TSHZ2: variants seen among roughly 807,000 people sequenced by gnomAD.
The protein encoded by TSHZ2 is teashirt homolog 2.
In TSHZ2, 21 loss-of-function variants were observed where a neutral mutation model predicts 74.4. The ratio of observed to expected loss-of-function variants is 0.28; its 90% confidence interval spans 0.20 to 0.41. The LOEUF (loss-of-function observed/expected upper bound fraction) is 0.41. Among genes scored for constraint, TSHZ2 ranks in the 10% least tolerant of loss-of-function variants. The probability of loss-of-function intolerance (pLI) is 1.00; values close to 1 mark genes in which losing one functional copy is unlikely to be tolerated. For synonymous variants in TSHZ2, 540 were observed against 515.3 expected, an observed-to-expected ratio of 1.05 and a Z score of -0.65; for missense variants, 1,244 against 1,293.5, an observed-to-expected ratio of 0.96 and a Z score of 0.59.
intron 1 of TSHZ2, among the ~76,000 whole-genome samples, chr20:53,117,144 A>C (rs1449145627): frequency 6.6e-6 from 1 of 152,198 alleles, no homozygotes; most frequent in Non-Finnish European, 1.5e-5. Flanking sequence ...AGTACTTCCC[A>C]AAGCCCCTAT....
At chr20:53,258,595 C>T (rs971238478) in intron 2 of TSHZ2, among the ~76,000 whole-genome samples, 2 of 152,084 alleles carry the variant, frequency 1.3e-5, no homozygotes, top group Non-Finnish European at 2.9e-5. Context: ...AAGCTTGATC[C>T]ATCGTCAGTC....
At chr20:53,358,482 A>G (rs1980934338) in intron 2 of TSHZ2, among the ~76,000 whole-genome samples, 1 of 151,980 alleles carries the variant, frequency 6.6e-6, no homozygotes, top group African/African-American at 2.4e-5. Context: ...CTGGGACTAC[A>G]GGCGTGCACC....
chr20:53,359,962 T>C (rs1980991194), intron 2 of TSHZ2, among the ~76,000 whole-genome samples: 2 of 152,326 alleles, frequency 1.3e-5, no homozygotes, highest in South Asian at 4.1e-4. Flanking sequence ...GTTATAAAGA[T>C]GTCTTCAGGC....
At chr20:53,148,559 C>T (rs1325089988) in intron 1 of TSHZ2, among the ~76,000 whole-genome samples, 2 of 152,004 alleles carry the variant, frequency 1.3e-5, no homozygotes, top group Non-Finnish European at 2.9e-5. Flanking sequence ...CTGAGTTTGC[C>T]TATTAAATCA....
At chr20:53,051,457 G>GCACACACACACA (rs11474223) in intron 1 of TSHZ2, among the ~76,000 whole-genome samples, 3,734 of 145,098 alleles carry the variant, frequency 0.026, 74 homozygotes, top group Middle Eastern at 0.049. Flanking sequence ...TGTGGCGCAC[G>GCACACACACACA]CACACACACA....
intron 2 of TSHZ2, among the ~76,000 whole-genome samples, chr20:53,285,691 GCA>G (rs1991150806): frequency 6.6e-6 from 1 of 150,972 alleles, no homozygotes; most frequent in African/African-American, 2.4e-5. Context: ...GCCTGGGGCC[GCA>G]GAGCAAGACT....
intron 1 of TSHZ2, among the ~76,000 whole-genome samples, chr20:53,041,130 C>G (rs975676719): frequency 2.6e-5 from 4 of 152,162 alleles, no homozygotes; most frequent in African/African-American, 9.7e-5. Context: ...AGTGAGGACT[C>G]TAAGTTTCGA....
At chr20:53,332,910 A>C (rs1442253057) in intron 2 of TSHZ2, among the ~76,000 whole-genome samples, 1 of 152,188 alleles carries the variant, frequency 6.6e-6, no homozygotes. Flanking sequence ...CAGCCCAGCC[A>C]CTACCACCTC....
At chr20:53,113,197 A>G (rs988825371) in intron 1 of TSHZ2, among the ~76,000 whole-genome samples, 1 of 152,218 alleles carries the variant, frequency 6.6e-6, no homozygotes, top group East Asian at 1.9e-4. Flanking sequence ...TGTAGAGAAT[A>G]TAGCTTACAA....
chr20:53,467,872 C>T (rs1160067586), intron 2 of TSHZ2, among the ~76,000 whole-genome samples: 1 of 152,140 alleles, frequency 6.6e-6, no homozygotes, highest in Non-Finnish European at 1.5e-5. Flanking sequence ...AAGCAAGCAA[C>T]GTCTTCCCTA....
chr20:53,324,413 T>C (rs1979410425), intron 2 of TSHZ2, among the ~76,000 whole-genome samples: 1 of 152,172 alleles, frequency 6.6e-6, no homozygotes, highest in African/African-American at 2.4e-5. Flanking sequence ...GGTGTTACTC[T>C]ATCACCCAGG....
At chr20:53,182,646 G>A (rs1988508774) in intron 1 of TSHZ2, among the ~76,000 whole-genome samples, 2 of 152,116 alleles carry the variant, frequency 1.3e-5, no homozygotes, top group South Asian at 2.1e-4. Context: ...CTAACTTTTG[G>A]TAATCTGAAC....
intron 2 of TSHZ2, among the ~76,000 whole-genome samples, chr20:53,369,175 G>A (rs553426297): frequency 1.3e-5 from 2 of 152,316 alleles, no homozygotes; most frequent in South Asian, 4.1e-4. Flanking sequence ...TGAGGTGGGA[G>A]GATCACCTGA....
At chr20:53,016,516 C>G (rs764373437) in intron 1 of TSHZ2, among the ~76,000 whole-genome samples, 1 of 152,188 alleles carries the variant, frequency 6.6e-6, no homozygotes, top group Non-Finnish European at 1.5e-5. Flanking sequence ...CCATCCTCAA[C>G]GCAGGCATCT....
intron 1 of TSHZ2, among the ~76,000 whole-genome samples, chr20:53,053,881 A>T (rs1031139641): frequency 6.6e-6 from 1 of 152,170 alleles, no homozygotes; most frequent in African/African-American, 2.4e-5. Flanking sequence ...CATGTTGTCC[A>T]TTGCCATGAG....
intron 1 of TSHZ2, among the ~76,000 whole-genome samples, chr20:53,174,925 A>G (rs1988291308): frequency 6.6e-6 from 1 of 151,974 alleles, no homozygotes; most frequent in Non-Finnish European, 1.5e-5. Context: ...TGAATAGGAA[A>G]TTGCAGGACC....
intron 1 of TSHZ2, among the ~76,000 whole-genome samples, chr20:53,219,419 C>T (rs143388570): frequency 6.6e-6 from 1 of 152,308 alleles, no homozygotes; most frequent in East Asian, 1.9e-4. Flanking sequence ...GTTTCTGCAT[C>T]ATTTTGTATT....
At chr20:53,114,981 G>C (rs58893012) in intron 1 of TSHZ2, among the ~76,000 whole-genome samples, 1,914 of 152,300 alleles carry the variant, frequency 0.013, 38 homozygotes, top group African/African-American at 0.044. Flanking sequence ...GCATGTGGGA[G>C]TGTTAATTCT....
At chr20:53,293,509 C>T (rs1483417485) in intron 2 of TSHZ2, among the ~76,000 whole-genome samples, 1 of 151,950 alleles carries the variant, frequency 6.6e-6, no homozygotes, top group Non-Finnish European at 1.5e-5. Context: ...CCAGGTTATT[C>T]TTCAGGCCCC....
Sources: gnomAD v4.1 joint callset for allele counts (sites outside exome capture counted in the v4.1 genomes callset) on GRCh38, gnomAD v4.1.1 for gene constraint, MANE v1.5 for transcripts, NCBI Gene and HGNC (gene_info 2026-07-23, HGNC 2026-07-21) for gene names.